The following KCNH8 variants were observed in gnomAD, a reference collection of about 807,000 sequenced individuals.
KCNH8 encodes potassium voltage-gated channel subfamily H member 8, also known as voltage-gated delayed rectifier potassium channel KCNH8.
A neutral mutation model predicts 103.6 loss-of-function variants in KCNH8; 70 were observed. That is an observed-to-expected ratio of 0.68 (90% CI 0.56 to 0.82). KCNH8 has a LOEUF of 0.82. KCNH8 is among the 40% of genes least tolerant of loss of function. KCNH8 has a pLI of 0.00. For missense variants in KCNH8, 1,217 were observed against 1,329.9 expected (o/e 0.92, Z 1.32); for synonymous variants, 498 against 489.4 (o/e 1.02, Z -0.23).
intron 5 of KCNH8, among the ~76,000 whole-genome samples, chr3:19,357,244 T>C (rs2125326661): frequency 6.6e-6 from 1 of 152,000 alleles, no homozygotes; most frequent in South Asian, 2.1e-4. Context: ...GGAAAAATAT[T>C]TGCATCCCCA....
intron 5 of KCNH8, among the ~76,000 whole-genome samples, chr3:19,364,459 T>A (rs7638838): frequency 0.35 from 53,185 of 151,990 alleles, 9,612 homozygotes; most frequent in East Asian, 0.52. Flanking sequence ...GGAACATTTA[T>A]TAAATGGAAT....
At chr3:19,459,890 A>C (rs2067594583) in intron 11 of KCNH8, among the ~76,000 whole-genome samples, 1 of 152,058 alleles carries the variant, frequency 6.6e-6, no homozygotes. Flanking sequence ...TAGTAATTTA[A>C]AAATCCCTGT....
chr3:19,193,814 G>A (rs182742957), intron 1 of KCNH8, among the ~76,000 whole-genome samples: 55 of 151,788 alleles, frequency 3.6e-4, no homozygotes, highest in Middle Eastern at 3.4e-3. Flanking sequence ...AAACATCTTC[G>A]GAAGCTTATT....
chr3:19,257,793 G>A (rs527802183), intron 2 of KCNH8, among the ~76,000 whole-genome samples: 1 of 152,000 alleles, frequency 6.6e-6, no homozygotes, highest in Non-Finnish European at 1.5e-5. Flanking sequence ...AAACTGAGTG[G>A]CTTAAACAAC....
At chr3:19,287,991 C>A (rs1414419934) in intron 3 of KCNH8, among the ~76,000 whole-genome samples, 2 of 151,980 alleles carry the variant, frequency 1.3e-5, no homozygotes, top group South Asian at 2.1e-4. Flanking sequence ...TTCTCCTTAC[C>A]CAGGAGAATT....
At chr3:19,356,918 A>G (rs1219341358) in intron 5 of KCNH8, among the ~76,000 whole-genome samples, 1 of 151,966 alleles carries the variant, frequency 6.6e-6, no homozygotes, top group Non-Finnish European at 1.5e-5. Flanking sequence ...ATGGAAATTA[A>G]TAATTTGAAT....
chr3:19,237,214 T>C (rs778792965), intron 1 of KCNH8, among the ~76,000 whole-genome samples: 1 of 152,214 alleles, frequency 6.6e-6, no homozygotes, highest in Non-Finnish European at 1.5e-5. Flanking sequence ...TGTTGAGTAA[T>C]GGAAGAGTCT....
intron 3 of KCNH8, among the ~76,000 whole-genome samples, chr3:19,329,584 C>T (rs115921883): frequency 3.6e-4 from 55 of 152,130 alleles, no homozygotes; most frequent in East Asian, 2.3e-3. Flanking sequence ...TAGAAGGGAA[C>T]GTCTTTCTTT....
chr3:19,472,282 A>G lies in KCNH8; in HGVS notation c.2040+15300A>G, dbSNP rs185737987. Among the ~76,000 whole-genome samples the G allele has an allele frequency of 7.3e-5, 11 of 151,056 alleles. 1 individual carries two copies. In the Admixed American group the frequency reaches 7.3e-4, roughly 10 times the overall value. ...CAGAATAACAGAATGTTAGAACACAAAGGCACTTTATATACCATCCAGTAA... is the reference window on the plus strand; with the variant it reads ...CAGAATAACAGAATGTTAGAACACAGAGGCACTTTATATACCATCCAGTAA... On this transcript the variant is annotated intron_variant, in intron 11 of 15. Coordinates refer to ENST00000328405, the MANE Select transcript of KCNH8 (RefSeq NM_144633.3).
intron 5 of KCNH8, among the ~76,000 whole-genome samples, chr3:19,354,536 T>G (rs1471958925): frequency 1.3e-5 from 2 of 152,018 alleles, no homozygotes; most frequent in African/African-American, 2.4e-5. Flanking sequence ...AACAGAGATA[T>G]AGACCAATGG....
intron 1 of KCNH8, among the ~76,000 whole-genome samples, chr3:19,155,639 T>G (rs932341267): frequency 4.6e-5 from 7 of 152,150 alleles, no homozygotes; most frequent in Admixed American, 6.5e-5. Flanking sequence ...ACACACATAC[T>G]CATTCTAAAT....
At chr3:19,385,666 T>C (rs2066347005) in intron 5 of KCNH8, among the ~76,000 whole-genome samples, 1 of 152,210 alleles carries the variant, frequency 6.6e-6, no homozygotes, top group Admixed American at 6.5e-5. Flanking sequence ...CAATTGCAAT[T>C]ATTCTTAGGA....
In KCNH8 at chr3:19,148,542, G is replaced by T; in HGVS notation, c.-178G>T. ...GGGCTCCTCCTGCCACAGCCGGGGC[G>T]GCTGGAACTCTCTCCCTTTCTCCCT... On this transcript the variant is annotated 5_prime_UTR_variant, in exon 1 of 16. Coordinates refer to ENST00000328405, the MANE Select transcript of KCNH8 (RefSeq NM_144633.3). 1 of 631,764 alleles carries T rather than the reference G, an allele frequency of 1.6e-6. No individual in the cohort carries two copies. Among genetic ancestry groups the T allele is most frequent in the Non-Finnish European group, 2.8e-6 (1 of 352,554 alleles). The allele number at this position is 631,764 out of a possible 1,614,324, so 39.1% of individuals were successfully genotyped here.
rs191393514 is a variant in KCNH8, at chr3:19,257,851, G to T, written c.310+3964G>T. ...CCGGAAGCTAGTAGTTCCTCTAGAT[G>T]ATAGCTGGGTTGGTTTCTTCTGAAG... On this transcript the variant is annotated intron_variant, in intron 2 of 15. Coordinates refer to ENST00000328405, the MANE Select transcript of KCNH8 (RefSeq NM_144633.3). 2.8e-3 allele frequency among the ~76,000 whole-genome samples: 419 copies of T among 152,144 alleles called. 2 individuals are homozygous for T. The highest frequency in any genetic ancestry group is 7.7e-3 in the Admixed American group (117 of 15,256).
At chr3:19,515,800 G>T (rs1276905122) in intron 14 of KCNH8, among the ~76,000 whole-genome samples, 3 of 151,938 alleles carry the variant, frequency 2.0e-5, no homozygotes, top group African/African-American at 7.2e-5. Context: ...AGGAACATTG[G>T]TTATATTTAA....
At chr3:19,288,185 T>G (rs2064862280) in intron 3 of KCNH8, among the ~76,000 whole-genome samples, 1 of 137,010 alleles carries the variant, frequency 7.3e-6, no homozygotes, top group Admixed American at 7.1e-5. Context: ...AAACTTCTTT[T>G]TTTTTTTTTT....
At chr3:19,324,125 G>T (rs2065388951) in intron 3 of KCNH8, among the ~76,000 whole-genome samples, 1 of 152,072 alleles carries the variant, frequency 6.6e-6, no homozygotes, top group African/African-American at 2.4e-5. Flanking sequence ...ATCCAATGGG[G>T]CAGGGTTAGG....
chr3:19,385,565 A>G (rs908650403), intron 5 of KCNH8, among the ~76,000 whole-genome samples: 5 of 152,126 alleles, frequency 3.3e-5, no homozygotes, highest in African/African-American at 1.2e-4. Context: ...TATTCCATTA[A>G]TCTTTCACTT....
intron 11 of KCNH8, among the ~76,000 whole-genome samples, chr3:19,469,415 T>G (rs959757017): frequency 2.6e-5 from 4 of 151,946 alleles, no homozygotes; most frequent in African/African-American, 4.8e-5. Flanking sequence ...ATCCAGTATG[T>G]TTTTTTTGTT....
Sources: gnomAD v4.1 joint callset for allele counts (sites outside exome capture counted in the v4.1 genomes callset) on GRCh38, gnomAD v4.1.1 for gene constraint, MANE v1.5 for transcripts, NCBI Gene and HGNC (gene_info 2026-07-23, HGNC 2026-07-21) for gene names.